CDKL1: variants seen among roughly 807,000 people sequenced by gnomAD.
CDKL1 encodes cyclin-dependent kinase-like 1.
A neutral mutation model predicts 42.0 loss-of-function variants in CDKL1; 41 were observed. That is an observed-to-expected ratio of 0.98 (90% CI 0.76 to 1.27). The LOEUF (loss-of-function observed/expected upper bound fraction) is 1.27. Among genes scored for constraint, CDKL1 ranks in the 50% most tolerant of loss-of-function variants. The pLI, the probability that CDKL1 is intolerant of heterozygous loss-of-function variation, is 0.00. For missense variants in CDKL1, 394 were observed against 428.4 expected (o/e 0.92, Z 0.71); for synonymous variants, 153 against 158.6 (o/e 0.96, Z 0.26).
chr14:50,381,615 T>C (rs1385785612), intron 2 of CDKL1, among the ~76,000 whole-genome samples: 1 of 152,194 alleles, frequency 6.6e-6, no homozygotes, highest in African/African-American at 2.4e-5. Context: ...AGAGAAGGAA[T>C]AGTACAATTG....
intron 7 of CDKL1, among the ~76,000 whole-genome samples, chr14:50,336,464 T>C (rs1365048815): frequency 2.0e-5 from 3 of 152,026 alleles, no homozygotes; most frequent in Non-Finnish European, 4.4e-5. Flanking sequence ...ATATGTCAGG[T>C]GTCATTCCTG....
chr14:50,333,034 T>C (rs1223045953), intron 8 of CDKL1: 1 of 184,808 alleles, frequency 5.4e-6, no homozygotes, highest in East Asian at 1.4e-4. Flanking sequence ...CTATTTTTGT[T>C]GCAACTAAGT....
chr14:50,387,031 AG>A lies in CDKL1; in HGVS notation c.168+8669del, dbSNP rs768257750. On this transcript the variant is annotated intron_variant, in intron 2 of 9. Coordinates refer to ENST00000395834, the MANE Select transcript of CDKL1 (RefSeq NM_004196.7). The stretch of plus-strand genomic sequence containing the variant: ...GACAGAGCGAGACTCCGTCTCAAAA[AG>A]AAAAAAAAAAAAAGAATACAAAGAA... Among the ~76,000 whole-genome samples the A allele has an allele frequency of 1.2e-3, 174 of 150,644 alleles. 3 individuals are homozygous for A. The South Asian group carries it at 0.014, about 12-fold the overall frequency.
chr14:50,352,609 A>T (rs2033935142), intron 3 of CDKL1, among the ~76,000 whole-genome samples: 1 of 151,798 alleles, frequency 6.6e-6, no homozygotes, highest in African/African-American at 2.4e-5. Flanking sequence ...AATGCAACAT[A>T]TATAGAAAAT....
chr14:50,326,539 G>C lies in CDKL1; in HGVS notation c.*3535C>G. On this transcript the variant is annotated 3_prime_UTR_variant, in exon 10 of 10. Coordinates refer to ENST00000395834, the MANE Select transcript of CDKL1 (RefSeq NM_004196.7). ...AACAGGATTTGCGTGCATTTCCCAT[G>C]ATCCTGCATTCTTGTGTTCTTGATA... The C allele has an allele frequency of 1.0e-6, 1 of 985,436 alleles. No homozygotes were observed. Among genetic ancestry groups the C allele is most frequent in the East Asian group, 1.1e-4 (1 of 8,818 alleles). The allele number at this position is 985,436 out of a possible 1,614,324, so 61.0% of individuals were successfully genotyped here. A position where few individuals can be genotyped will look rare whatever the true frequency, so the allele number is the denominator to read the frequency against.
chr14:50,330,270 C>G (rs1032258706), intron 9 of CDKL1, 89 bp from the exon 10 acceptor site: 2 of 1,478,328 alleles, frequency 1.4e-6, no homozygotes, highest in Non-Finnish European at 1.8e-6. Context: ...GGTAATTAAG[C>G]TTTTTAGTAT....
intron 2 of CDKL1, among the ~76,000 whole-genome samples, chr14:50,394,174 T>G (rs2035335905): frequency 6.6e-6 from 1 of 152,180 alleles, no homozygotes; most frequent in Admixed American, 6.5e-5. Context: ...TTCAGGTAAA[T>G]GAACCCTTTG....
chr14:50,343,177 G>GTTTT (rs1566580369), intron 4 of CDKL1: 14 of 400,754 alleles, frequency 3.5e-5, no homozygotes, highest in African/African-American at 1.5e-4. Context: ...TTTTTTTTGA[G>GTTTT]TTGGGTCAAA....
intron 1 of CDKL1, 189 bp downstream of exon 1, chr14:50,396,635 C>T (rs541739158): frequency 1.4e-5 from 3 of 213,722 alleles, no homozygotes; most frequent in Non-Finnish European, 2.4e-5. Context: ...AAGACACCTC[C>T]CGGCTCCCCG....
chr14:50,350,501 C>G (rs986569073), intron 3 of CDKL1, among the ~76,000 whole-genome samples: 3 of 152,164 alleles, frequency 2.0e-5, no homozygotes, highest in Non-Finnish European at 4.4e-5. Context: ...TCTCCTGGGC[C>G]TGGTTCTTCT....
At chr14:50,377,619 C>T (rs758047427) in intron 2 of CDKL1, 3 of 1,348,586 alleles carry the variant, frequency 2.2e-6, no homozygotes, top group Admixed American at 4.0e-5. Context: ...GCAACAAGGA[C>T]CCCACTGCTG....
chr14:50,397,178 C>CG, upstream of CDKL1: 1 of 1,366,612 alleles, frequency 7.3e-7, no homozygotes, highest in South Asian at 1.1e-5. Flanking sequence ...GGAGCCCCTC[C>CG]TGAGCGGTCC....
chr14:50,369,815 C>T (rs1029844405), intron 2 of CDKL1, among the ~76,000 whole-genome samples: 4 of 151,828 alleles, frequency 2.6e-5, no homozygotes, highest in African/African-American at 9.7e-5. Context: ...GACAGGGTTT[C>T]ACCATGTTGG....
chr14:50,394,431 C>T (rs193083106), intron 2 of CDKL1, among the ~76,000 whole-genome samples: 2 of 152,344 alleles, frequency 1.3e-5, no homozygotes, highest in East Asian at 3.9e-4. Context: ...CCCTGTTACC[C>T]ACCCATTCCA....
intron 2 of CDKL1, among the ~76,000 whole-genome samples, chr14:50,384,865 G>A (rs1050797903): frequency 6.6e-6 from 1 of 151,702 alleles, no homozygotes; most frequent in Non-Finnish European, 1.5e-5. Flanking sequence ...GAGGCCAAGA[G>A]TTCGAAACCA....
At chr14:50,358,750 C>T (rs1439373439) in intron 3 of CDKL1, among the ~76,000 whole-genome samples, 1 of 145,610 alleles carries the variant, frequency 6.9e-6, no homozygotes, top group Non-Finnish European at 1.5e-5. Flanking sequence ...AGCGATTCTC[C>T]TGCCTCAGCC....
At chr14:50,390,526 T>G in intron 2 of CDKL1, 1 of 357,394 alleles carries the variant, frequency 2.8e-6, no homozygotes, top group East Asian at 8.5e-5. Flanking sequence ...TTGTTTGTTT[T>G]GGTTTGTATT....
chr14:50,358,538 CT>C (rs1006572496), intron 3 of CDKL1, among the ~76,000 whole-genome samples: 3 of 147,712 alleles, frequency 2.0e-5, no homozygotes, highest in African/African-American at 5.0e-5. Flanking sequence ...ATTAAAGTGA[CT>C]ATTTTTTTTA....
At chr14:50,385,722 T>G (rs1056316917) in intron 2 of CDKL1, among the ~76,000 whole-genome samples, 1 of 147,722 alleles carries the variant, frequency 6.8e-6, no homozygotes, top group Non-Finnish European at 1.5e-5. Flanking sequence ...GAGAATCGCT[T>G]GAGCCCAAGG....
Sources: gnomAD v4.1 joint callset for allele counts (sites outside exome capture counted in the v4.1 genomes callset) on GRCh38, gnomAD v4.1.1 for gene constraint, MANE v1.5 for transcripts, NCBI Gene and HGNC (gene_info 2026-07-23, HGNC 2026-07-21) for gene names.